The following MACROD2 variants were observed in gnomAD, a reference collection of about 807,000 sequenced individuals.
MACROD2 encodes the protein ADP-ribose glycohydrolase MACROD2.
MACROD2 carries 36 observed loss-of-function variants against 70.4 expected under a neutral mutation model. The ratio of observed to expected loss-of-function variants is 0.51; its 90% CI spans 0.39 to 0.68. The LOEUF is 0.68. MACROD2 is among the 30% of genes least tolerant of loss of function. The pLI, the probability that MACROD2 is intolerant of heterozygous loss-of-function variation, is 0.00. For synonymous variants in MACROD2, 172 were observed against 178.8 expected (o/e 0.96, Z 0.30); for missense variants, 496 against 538.4 (o/e 0.92, Z 0.78).
intron 8 of MACROD2, among the ~76,000 whole-genome samples, chr20:15,856,784 T>C (rs1331061260): frequency 6.6e-6 from 1 of 152,224 alleles, no homozygotes; most frequent in Non-Finnish European, 1.5e-5. Context: ...GACTAGGGAA[T>C]CATCTGAGTT....
At chr20:15,610,336 G>A (rs1484730196) in intron 8 of MACROD2, among the ~76,000 whole-genome samples, 3 of 152,192 alleles carry the variant, frequency 2.0e-5, no homozygotes, top group Non-Finnish European at 2.9e-5. Context: ...AAATCAAGGT[G>A]TTGGCAGGGT....
intron 3 of MACROD2, among the ~76,000 whole-genome samples, chr20:14,236,510 G>A (rs546536753): frequency 6.6e-6 from 1 of 151,946 alleles, no homozygotes; most frequent in African/African-American, 2.4e-5. Context: ...CTGCCACCTT[G>A]CATTTAATAT....
intron 3 of MACROD2, chr20:14,127,971 C>A: frequency 3.9e-6 from 2 of 513,260 alleles, no homozygotes; most frequent in South Asian, 1.5e-5. Flanking sequence ...GGAAATAGTC[C>A]CAAGAACAGT....
chr20:14,988,250 A>G (rs1390798264), intron 5 of MACROD2, among the ~76,000 whole-genome samples: 1 of 150,486 alleles, frequency 6.6e-6, no homozygotes, highest in African/African-American at 2.4e-5. Context: ...TATAATTTCA[A>G]CTACTCGGGA....
At chr20:14,638,856 A>G (rs1984930891) in intron 4 of MACROD2, among the ~76,000 whole-genome samples, 1 of 151,900 alleles carries the variant, frequency 6.6e-6, no homozygotes, top group East Asian at 1.9e-4. Flanking sequence ...AGGCTGAGGC[A>G]GGAGAATCAC....
chr20:16,036,520 A>G (rs189619976), intron 15 of MACROD2, among the ~76,000 whole-genome samples: 39 of 152,116 alleles, frequency 2.6e-4, no homozygotes, highest in African/African-American at 9.4e-4. Context: ...TGCATCTTTT[A>G]TCCCCTGCTA....
At chr20:15,842,376 A>G (rs2064180569) in intron 8 of MACROD2, among the ~76,000 whole-genome samples, 1 of 151,976 alleles carries the variant, frequency 6.6e-6, no homozygotes, top group South Asian at 2.1e-4. Flanking sequence ...AGATGAGAAA[A>G]CAGAGGTTCT....
At chr20:15,743,307 C>T (rs1182113545) in intron 8 of MACROD2, among the ~76,000 whole-genome samples, 1 of 152,132 alleles carries the variant, frequency 6.6e-6, no homozygotes, top group Non-Finnish European at 1.5e-5. Flanking sequence ...CCTCATCTAT[C>T]ACTTGGCTAT....
intron 4 of MACROD2, among the ~76,000 whole-genome samples, chr20:14,541,864 T>C (rs1303296661): frequency 1.3e-5 from 2 of 152,342 alleles, no homozygotes; most frequent in East Asian, 1.9e-4. Flanking sequence ...TTAAATAATA[T>C]GATTCTAAGA....
At chr20:14,706,942 T>C (rs1009398128) in intron 5 of MACROD2, among the ~76,000 whole-genome samples, 2 of 152,130 alleles carry the variant, frequency 1.3e-5, no homozygotes, top group African/African-American at 4.8e-5. Context: ...GTCCATAAAA[T>C]AGGATGCAGA....
chr20:14,441,015 T>G (rs1265259363), intron 3 of MACROD2, among the ~76,000 whole-genome samples: 1 of 152,184 alleles, frequency 6.6e-6, no homozygotes, highest in African/African-American at 2.4e-5. Context: ...CACACTTATG[T>G]CCTGGCCAGA....
At chr20:14,560,067 A>C (rs1979322281) in intron 4 of MACROD2, among the ~76,000 whole-genome samples, 1 of 151,900 alleles carries the variant, frequency 6.6e-6, no homozygotes, top group Non-Finnish European at 1.5e-5. Flanking sequence ...CTTAGTTCTT[A>C]ATAGTATCTT....
At chr20:14,714,187 A>G (rs1665583913) in intron 5 of MACROD2, among the ~76,000 whole-genome samples, 1 of 152,126 alleles carries the variant, frequency 6.6e-6, no homozygotes, top group African/African-American at 2.4e-5. Flanking sequence ...CAGAGTCAGT[A>G]TTGCACTTTG....
chr20:14,645,899 A>C (rs950707359), intron 4 of MACROD2, among the ~76,000 whole-genome samples: 3 of 151,996 alleles, frequency 2.0e-5, no homozygotes, highest in Admixed American at 6.6e-5. Flanking sequence ...CCAAATGTGC[A>C]GAAATGGATT....
At chr20:14,100,825 TAA>T (rs1428377244) in intron 3 of MACROD2, among the ~76,000 whole-genome samples, 4 of 133,946 alleles carry the variant, frequency 3.0e-5, no homozygotes, top group Admixed American at 8.1e-5. Flanking sequence ...ATATCATATA[TAA>T]CATATATAAT....
At chr20:14,335,105 A>G (rs958745852) in intron 3 of MACROD2, among the ~76,000 whole-genome samples, 1 of 152,160 alleles carries the variant, frequency 6.6e-6, no homozygotes, top group Non-Finnish European at 1.5e-5. Flanking sequence ...AGGGCTTAAA[A>G]CTGTTCAAAA....
intron 5 of MACROD2, among the ~76,000 whole-genome samples, chr20:15,060,358 T>C (rs1325029019): frequency 4.6e-5 from 7 of 152,138 alleles, no homozygotes; most frequent in Non-Finnish European, 7.4e-5. Flanking sequence ...TTGATCTTAC[T>C]CTCCTCCACC....
intron 3 of MACROD2, among the ~76,000 whole-genome samples, chr20:14,407,234 G>A (rs1473255484): frequency 6.6e-6 from 1 of 151,626 alleles, no homozygotes; most frequent in Non-Finnish European, 1.5e-5. Flanking sequence ...TTTCTCTTGG[G>A]GTTTCATCTG....
At chr20:15,590,536 T>G (rs1489948940) in intron 8 of MACROD2, among the ~76,000 whole-genome samples, 1 of 152,232 alleles carries the variant, frequency 6.6e-6, no homozygotes, top group African/African-American at 2.4e-5. Flanking sequence ...TCTTTTCTGG[T>G]GCAGTCAACA....
Sources: gnomAD v4.1 joint callset for allele counts (sites outside exome capture counted in the v4.1 genomes callset) on GRCh38, gnomAD v4.1.1 for gene constraint, MANE v1.5 for transcripts, NCBI Gene and HGNC (gene_info 2026-07-23, HGNC 2026-07-21) for gene names.